KIAA1328: variants seen among roughly 807,000 people sequenced by gnomAD.
The protein encoded by KIAA1328 is protein hinderin.
A neutral mutation model predicts 68.1 loss-of-function variants in KIAA1328; 52 were observed. That is an observed-to-expected ratio of 0.76 (90% CI 0.61 to 0.96). The LOEUF (loss-of-function observed/expected upper bound fraction) is 0.96. KIAA1328 is among the 40% of genes least tolerant of loss of function. The pLI is 0.00. For synonymous variants in KIAA1328, 232 were observed against 239.4 expected, an observed-to-expected ratio of 0.97 and a Z score of 0.28; for missense variants, 641 against 677.6, an observed-to-expected ratio of 0.95 and a Z score of 0.60.
intron 8 of KIAA1328, among the ~76,000 whole-genome samples, chr18:37,170,926 C>T (rs527398134): frequency 2.6e-5 from 4 of 152,050 alleles, no homozygotes; most frequent in Non-Finnish European, 5.9e-5. Flanking sequence ...AGGCCGGGAG[C>T]AGTTATTACC....
At chr18:36,990,378 A>G (rs1205038004) in intron 6 of KIAA1328, among the ~76,000 whole-genome samples, 1 of 151,994 alleles carries the variant, frequency 6.6e-6, no homozygotes, top group Non-Finnish European at 1.5e-5. Context: ...TTATATATAC[A>G]TTAATGTATA....
At chr18:36,844,817 A>G (rs1346312337) in intron 4 of KIAA1328, among the ~76,000 whole-genome samples, 1 of 151,728 alleles carries the variant, frequency 6.6e-6, no homozygotes, top group Non-Finnish European at 1.5e-5. Flanking sequence ...TGTATGTGTA[A>G]TTTCTTTGTC....
At chr18:36,976,970 C>T (rs1293672237) in intron 6 of KIAA1328, among the ~76,000 whole-genome samples, 12 of 152,126 alleles carry the variant, frequency 7.9e-5, no homozygotes, top group Non-Finnish European at 1.6e-4. Flanking sequence ...TAAAAGGAAG[C>T]TCTGATAAAT....
intron 9 of KIAA1328, among the ~76,000 whole-genome samples, chr18:37,204,783 C>T (rs975587510): frequency 4.8e-5 from 7 of 146,446 alleles, no homozygotes; most frequent in African/African-American, 1.8e-4. Context: ...AAAAAAAACA[C>T]CTCTCAAGAA....
downstream of KIAA1328, among the ~76,000 whole-genome samples, chr18:37,225,904 A>G (rs2060633321): frequency 6.6e-6 from 1 of 152,252 alleles, no homozygotes; most frequent in East Asian, 1.9e-4. Flanking sequence ...TCATTACTCA[A>G]ACAGCTCCCA....
intron 4 of KIAA1328, among the ~76,000 whole-genome samples, chr18:36,880,164 C>T (rs2048282048): frequency 6.6e-6 from 1 of 152,142 alleles, no homozygotes; most frequent in Non-Finnish European, 1.5e-5. Context: ...GGTGTAGGCA[C>T]CCGAGGGAAT....
intron 4 of KIAA1328, among the ~76,000 whole-genome samples, chr18:36,867,587 G>A (rs2047797649): frequency 6.6e-6 from 1 of 152,208 alleles, no homozygotes; most frequent in African/African-American, 2.4e-5. Context: ...GAAGTTTAAA[G>A]CATTCTTACA....
Position 37,096,630 on chromosome 18 carries a change from C to T in KIAA1328, c.1232+29085C>T, listed in dbSNP as rs191237611. On this transcript the variant is annotated intron_variant, in intron 7 of 9. Coordinates refer to ENST00000280020, the MANE Select transcript of KIAA1328 (RefSeq NM_020776.3). ...GCTGGGTCAAATGGTATTTCTAGTTCGAGATCCCTGGGGAATTGCCTGACT... is the reference window on the plus strand; with the variant it reads ...GCTGGGTCAAATGGTATTTCTAGTTTGAGATCCCTGGGGAATTGCCTGACT... Among the ~76,000 whole-genome samples, 9 of 152,272 alleles carry T rather than the reference C, an allele frequency of 5.9e-5. 1 individual carries two copies. The highest frequency in any genetic ancestry group is 5.2e-4 in the Admixed American group (8 of 15,282).
intron 6 of KIAA1328, among the ~76,000 whole-genome samples, chr18:37,009,944 A>G (rs2053915071): frequency 1.3e-5 from 2 of 152,178 alleles, no homozygotes; most frequent in Admixed American, 6.5e-5. Flanking sequence ...TATTCAGAAA[A>G]TGTTAGTCAT....
chr18:36,856,313 C>T (rs2047381316), intron 4 of KIAA1328, among the ~76,000 whole-genome samples: 1 of 151,986 alleles, frequency 6.6e-6, no homozygotes, highest in Non-Finnish European at 1.5e-5. Flanking sequence ...CCATTATATG[C>T]ATGTTGATAC....
At chr18:36,845,078 C>G (rs185665669) in intron 4 of KIAA1328, among the ~76,000 whole-genome samples, 162 of 151,762 alleles carry the variant, frequency 1.1e-3, no homozygotes, top group African/African-American at 3.6e-3. Flanking sequence ...TTTAAAAAGA[C>G]TGAAGTTAAA....
Position 37,067,562 on chromosome 18 carries a change from C to CA in KIAA1328, c.1232+17_1232+18insA, listed in dbSNP as rs778264777. 3 of 1,357,568 alleles carry CA rather than the reference C, an allele frequency of 2.2e-6. No homozygotes were observed. The highest frequency in any genetic ancestry group is 2.9e-6 in the Non-Finnish European group (3 of 1,041,120). 84.1% of individuals were successfully genotyped at this position (1,357,568 alleles called of 1,614,324 possible). On this transcript the variant is annotated intron_variant, in intron 7 of 9. Coordinates refer to ENST00000280020, the MANE Select transcript of KIAA1328 (RefSeq NM_020776.3). ...TTACAATTGGTGAGTACTGCCTGTT[C>CA]TTTTTTTTTTTTTTTTGAGACGAAA...
chr18:37,039,535 C>T (rs1160426711), intron 6 of KIAA1328, among the ~76,000 whole-genome samples: 2 of 151,970 alleles, frequency 1.3e-5, no homozygotes, highest in Admixed American at 6.6e-5. Context: ...GCCTTAGCCT[C>T]TTGAGTAGCT....
chr18:36,960,012 C>T (rs2051592597), intron 6 of KIAA1328, among the ~76,000 whole-genome samples: 1 of 152,136 alleles, frequency 6.6e-6, no homozygotes, highest in Non-Finnish European at 1.5e-5. Flanking sequence ...GTGAAATAAG[C>T]CCTAAAGACC....
chr18:36,837,741 A>G (rs534084166), intron 3 of KIAA1328, among the ~76,000 whole-genome samples: 1 of 151,998 alleles, frequency 6.6e-6, no homozygotes, highest in African/African-American at 2.4e-5. Context: ...TTCTCATTCC[A>G]TTTTGAGTTA....
At chr18:37,126,206 A>G (rs2058386328) in intron 7 of KIAA1328, among the ~76,000 whole-genome samples, 1 of 152,316 alleles carries the variant, frequency 6.6e-6, no homozygotes, top group Non-Finnish European at 1.5e-5. Flanking sequence ...TTTTATTTGG[A>G]TCCCATCCCA....
chr18:36,930,698 T>G (rs2050279308), intron 5 of KIAA1328, among the ~76,000 whole-genome samples: 1 of 152,096 alleles, frequency 6.6e-6, no homozygotes, highest in Non-Finnish European at 1.5e-5. Flanking sequence ...GCTTTGATTC[T>G]GTAGTCTTAG....
chr18:37,228,528 T>G (rs1019229514), downstream of KIAA1328, among the ~76,000 whole-genome samples: 1 of 152,100 alleles, frequency 6.6e-6, no homozygotes, highest in Non-Finnish European at 1.5e-5. Context: ...AAAAAAAGAT[T>G]ACAACCCCCA....
intron 7 of KIAA1328, among the ~76,000 whole-genome samples, chr18:37,128,765 G>A (rs984629633): frequency 3.9e-5 from 6 of 152,080 alleles, no homozygotes; most frequent in African/African-American, 1.4e-4. Context: ...CCATCAACTG[G>A]CAAATGTATA....
Sources: gnomAD v4.1 joint callset for allele counts (sites outside exome capture counted in the v4.1 genomes callset) on GRCh38, gnomAD v4.1.1 for gene constraint, MANE v1.5 for transcripts, NCBI Gene and HGNC (gene_info 2026-07-23, HGNC 2026-07-21) for gene names.